Variants in HS3ST4 observed in about 807,000 individuals in gnomAD.
HS3ST4 encodes the protein heparan sulfate-glucosamine 3-sulfotransferase 4.
A neutral mutation model predicts 29.2 loss-of-function variants in HS3ST4; 17 were observed. That is an observed-to-expected ratio of 0.58 (90% CI 0.40 to 0.87). The LOEUF (loss-of-function observed/expected upper bound fraction) is 0.87. Ranked by LOEUF, HS3ST4 falls within the 40% of genes least tolerant of loss-of-function variation. HS3ST4 has a pLI of 0.00. For missense variants in HS3ST4, 627 were observed against 634.5 expected, an observed-to-expected ratio of 0.99 and a Z score of 0.13; for synonymous variants, 314 against 285.7, an observed-to-expected ratio of 1.10 and a Z score of -1.00.
chr16:25,748,029 G>A (rs1262376443), intron 1 of HS3ST4, among the ~76,000 whole-genome samples: 1 of 152,170 alleles, frequency 6.6e-6, no homozygotes, highest in Non-Finnish European at 1.5e-5. Context: ...GCAGTTGGTG[G>A]TGGTGGTTGC....
intron 1 of HS3ST4, among the ~76,000 whole-genome samples, chr16:25,778,526 T>A (rs1475851791): frequency 6.6e-6 from 1 of 152,216 alleles, no homozygotes; most frequent in Non-Finnish European, 1.5e-5. Flanking sequence ...TGGTGCACAT[T>A]TGTTTGGTCC....
chr16:25,815,630 T>TTA (rs1967086199), intron 1 of HS3ST4, among the ~76,000 whole-genome samples: 1 of 152,150 alleles, frequency 6.6e-6, no homozygotes. Context: ...GCCATAAGTA[T>TTA]TATATTTTTA....
chr16:26,051,766 A>C (rs1596663764), intron 1 of HS3ST4, among the ~76,000 whole-genome samples: 4 of 137,252 alleles, frequency 2.9e-5, no homozygotes, highest in East Asian at 2.1e-4. Context: ...CTTCCTCCCC[A>C]CCCCACACAC....
chr16:26,113,203 G>A (rs1276159564), intron 1 of HS3ST4, among the ~76,000 whole-genome samples: 1 of 152,048 alleles, frequency 6.6e-6, no homozygotes, highest in Non-Finnish European at 1.5e-5. Context: ...AAATAAAAAA[G>A]ATTAAACAAT....
chr16:25,733,013 G>A (rs1381829734), intron 1 of HS3ST4, among the ~76,000 whole-genome samples: 3 of 152,124 alleles, frequency 2.0e-5, no homozygotes, highest in Non-Finnish European at 4.4e-5. Flanking sequence ...TACCTACCCT[G>A]CAGATTTATG....
At chr16:25,717,726 A>G (rs1305488556) in intron 1 of HS3ST4, among the ~76,000 whole-genome samples, 2 of 152,126 alleles carry the variant, frequency 1.3e-5, no homozygotes, top group Non-Finnish European at 2.9e-5. Context: ...AGGCCACGTT[A>G]AAGAGTTAGG....
intron 1 of HS3ST4, among the ~76,000 whole-genome samples, chr16:25,805,939 A>C (rs916034602): frequency 2.0e-5 from 3 of 152,110 alleles, no homozygotes; most frequent in Admixed American, 6.5e-5. Flanking sequence ...CCCACTTATA[A>C]GTGAGAACAT....
intron 1 of HS3ST4, among the ~76,000 whole-genome samples, chr16:25,962,958 C>T (rs964107718): frequency 5.3e-5 from 8 of 152,280 alleles, no homozygotes; most frequent in South Asian, 4.2e-4. Context: ...ATTACTCCTC[C>T]TACTGCCACT....
intron 1 of HS3ST4, among the ~76,000 whole-genome samples, chr16:25,770,983 G>T (rs1291538243): frequency 6.6e-6 from 1 of 151,164 alleles, no homozygotes; most frequent in East Asian, 1.9e-4. Flanking sequence ...CAACAGCCAG[G>T]ATTTTTTTTT....
chr16:26,105,338 A>T (rs1899038818), intron 1 of HS3ST4, among the ~76,000 whole-genome samples: 1 of 152,152 alleles, frequency 6.6e-6, no homozygotes, highest in Non-Finnish European at 1.5e-5. Flanking sequence ...GACACTGGTG[A>T]ATACAAGAGT....
At chr16:25,887,232 C>G (rs576509204) in intron 1 of HS3ST4, among the ~76,000 whole-genome samples, 53 of 152,186 alleles carry the variant, frequency 3.5e-4, no homozygotes, top group African/African-American at 1.1e-3. Context: ...CAGAAGCGGA[C>G]ACTGAGGCAA....
intron 1 of HS3ST4, among the ~76,000 whole-genome samples, chr16:25,845,652 AAT>A (rs1491062542): frequency 1.3e-5 from 1 of 78,338 alleles, no homozygotes. Flanking sequence ...AGCATGTAAT[AAT>A]AATAATAATA....
chr16:25,957,155 G>A (rs979694893), intron 1 of HS3ST4, among the ~76,000 whole-genome samples: 5 of 152,072 alleles, frequency 3.3e-5, no homozygotes, highest in African/African-American at 7.2e-5. Flanking sequence ...AGTGCTTTGC[G>A]GTCAGGGCTG....
Position 25,692,804 on chromosome 16 carries a change from G to C in HS3ST4, c.387G>C (p.Pro129=). The change falls in exon 1 of 2, where the codon CCG becomes CCC. Residue 129 remains proline, a synonymous_variant. Coordinates refer to ENST00000331351, the MANE Select transcript of HS3ST4 (RefSeq NM_006040.3). ...CCGGGACCGACGGCTGGGGGCTGCC[G>C]AGCGGCGGCGGAGGCGCCCAGGACG... ...AAPGTDGWGL[P]SGGGGAQDAW... is the part of the protein sequence containing the mutation. The C allele has an allele frequency of 7.2e-7, 1 of 1,381,272 alleles. No homozygotes were observed. The allele number at this position is 1,381,272 out of a possible 1,614,324, so 85.6% of individuals were successfully genotyped here.
In HS3ST4 at chr16:25,692,597, A is replaced by C; in HGVS notation, c.180A>C (p.Gln60His). The C allele has an allele frequency of 7.1e-7, 1 of 1,401,710 alleles. No homozygotes were observed. Among genetic ancestry groups the C allele is most frequent in the Non-Finnish European group, 9.4e-7 (1 of 1,067,258 alleles). 86.8% of individuals were successfully genotyped at this position (1,401,710 alleles called of 1,614,324 possible). Reference protein sequence around the residue: ...YSLLGGSGSLQFPLALQESPG... With the variant: ...YSLLGGSGSLHFPLALQESPG... ...TCCTGGGCGGCTCGGGCTCCCTGCAATTCCCTCTGGCGCTGCAGGAGTCGC... is the reference window on the plus strand; with the variant it reads ...TCCTGGGCGGCTCGGGCTCCCTGCACTTCCCTCTGGCGCTGCAGGAGTCGC... Residue 60 changes from glutamine (Q) to histidine (H), a missense_variant, in exon 1 of 2, where the codon CAA (glutamine) becomes CAC (histidine). Around this residue, in one of 2 missense-constraint regions of HS3ST4, gnomAD observed 402 missense variants for 340.8 expected, o/e 1.18. Transcript: ENST00000331351.
At chr16:25,962,633 T>G (rs1968806404) in intron 1 of HS3ST4, among the ~76,000 whole-genome samples, 2 of 152,336 alleles carry the variant, frequency 1.3e-5, no homozygotes, top group Non-Finnish European at 2.9e-5. Context: ...TCCAGCCCCT[T>G]CATCATTTGG....
chr16:25,792,879 A>G (rs755871100), intron 1 of HS3ST4, among the ~76,000 whole-genome samples: 13 of 151,750 alleles, frequency 8.6e-5, no homozygotes, highest in East Asian at 3.9e-4. Context: ...GAGCTAGACA[A>G]TTGTTTTTAA....
chr16:25,884,129 A>G (rs1967923215), intron 1 of HS3ST4, among the ~76,000 whole-genome samples: 1 of 152,114 alleles, frequency 6.6e-6, no homozygotes, highest in South Asian at 2.1e-4. Context: ...AAAAAAAAAA[A>G]GAATCCAACC....
At chr16:26,051,908 CCCTCCCTTCCTTCCTT>C (rs1898352494) in intron 1 of HS3ST4, among the ~76,000 whole-genome samples, 1 of 125,552 alleles carries the variant, frequency 8.0e-6, no homozygotes, top group African/African-American at 3.3e-5. Context: ...CTCCCTCCCT[CCCTCCCTTCCTTCCTT>C]CCTTCCTTCC....
Sources: gnomAD v4.1 joint callset for allele counts (sites outside exome capture counted in the v4.1 genomes callset) on GRCh38, gnomAD v4.1.1 for gene constraint, gnomAD v4.1.1 regional missense constraint, MANE v1.5 for transcripts, NCBI Gene and HGNC (gene_info 2026-07-23, HGNC 2026-07-21) for gene names.